The following CACHD1 variants were observed in gnomAD, a reference collection of about 807,000 sequenced individuals.
CACHD1 encodes the protein cache domain containing 1, also known as VWFA and cache domain-containing protein 1.
A neutral mutation model predicts 138.7 loss-of-function variants in CACHD1; 71 were observed. That is an observed-to-expected ratio of 0.51 (90% CI 0.42 to 0.62). CACHD1 has a LOEUF of 0.62. Among genes scored for constraint, CACHD1 ranks in the 20% least tolerant of loss-of-function variants. CACHD1 has a pLI of 0.00. For synonymous variants in CACHD1, 578 were observed against 591.5 expected, an observed-to-expected ratio of 0.98 and a Z score of 0.33; for missense variants, 1,389 against 1,625.3, an observed-to-expected ratio of 0.85 and a Z score of 2.50.
chr1:64,604,043 A>G (rs984185920), intron 4 of CACHD1, among the ~76,000 whole-genome samples: 1 of 152,240 alleles, frequency 6.6e-6, no homozygotes, highest in Admixed American at 6.5e-5. Flanking sequence ...TCCAGGTCTC[A>G]TGTAGACACA....
intron 1 of CACHD1, among the ~76,000 whole-genome samples, chr1:64,546,063 G>A (rs914894326): frequency 2.6e-5 from 4 of 152,144 alleles, no homozygotes; most frequent in African/African-American, 9.7e-5. Flanking sequence ...GCAGGGCTGG[G>A]CAGTATCTTT....
chr1:64,657,671 C>T (rs1210335763), intron 12 of CACHD1, among the ~76,000 whole-genome samples: 5 of 152,184 alleles, frequency 3.3e-5, no homozygotes, highest in African/African-American at 1.2e-4. Context: ...TAAGAGTCTA[C>T]AACCATCCTC....
chr1:64,569,534 G>A (rs912585833), intron 2 of CACHD1, among the ~76,000 whole-genome samples: 5 of 152,144 alleles, frequency 3.3e-5, no homozygotes, highest in Admixed American at 1.3e-4. Flanking sequence ...GGGGGAATGG[G>A]TGTTGCAGGC....
chr1:64,601,444 G>A lies in CACHD1; in HGVS notation c.411-1362G>A, dbSNP rs1433924247. On this transcript the variant is annotated intron_variant, in intron 3 of 26. Coordinates refer to ENST00000651257, the MANE Select transcript of CACHD1 (RefSeq NM_020925.4). The stretch of plus-strand genomic sequence containing the variant: ...AGCAGGTCCAAGGAAGGGCAGCCAC[G>A]TTGGTGAAGCAACTGTGTCCTTTGA... 2.6e-5 allele frequency among the ~76,000 whole-genome samples: 4 copies of A among 152,232 alleles called. 1 individual carries two copies. The highest frequency in any genetic ancestry group is 4.1e-4 in the South Asian group (2 of 4,828).
In CACHD1 at chr1:64,551,359, A is replaced by G. The variant is rs181573276; in HGVS notation, c.261+703A>G. On this transcript the variant is annotated intron_variant, in intron 2 of 26. Coordinates refer to ENST00000651257, the MANE Select transcript of CACHD1 (RefSeq NM_020925.4). Reference sequence around the variant, plus strand: ...GCCTCCTAAAATATAGTGTTGATGAACCTGGTCGTAAATAATTGATCTGTG... The same window carrying G: ...GCCTCCTAAAATATAGTGTTGATGAGCCTGGTCGTAAATAATTGATCTGTG... 1.4e-3 allele frequency among the ~76,000 whole-genome samples: 216 copies of G among 152,070 alleles called. 3 individuals are homozygous for G. The highest frequency in any genetic ancestry group is 7.9e-4 in the Non-Finnish European group (54 of 67,980).
At chr1:64,574,974 A>C (rs896166195) in intron 2 of CACHD1, among the ~76,000 whole-genome samples, 42 of 152,356 alleles carry the variant, frequency 2.8e-4, no homozygotes, top group African/African-American at 9.6e-4. Context: ...AAATGAATAA[A>C]ATGGTTAGTT....
intron 1 of CACHD1, among the ~76,000 whole-genome samples, chr1:64,485,233 A>T (rs1353666901): frequency 6.6e-6 from 1 of 152,222 alleles, no homozygotes; most frequent in African/African-American, 2.4e-5. Flanking sequence ...AAATGCAGTC[A>T]TGTAACCAAC....
intron 1 of CACHD1, among the ~76,000 whole-genome samples, chr1:64,478,835 G>A (rs1646191967): frequency 6.6e-6 from 1 of 152,156 alleles, no homozygotes; most frequent in African/African-American, 2.4e-5. Flanking sequence ...CAAGGGTGAA[G>A]GGGGGCAGGA....
chr1:64,563,298 G>A (rs894225861), intron 2 of CACHD1, among the ~76,000 whole-genome samples: 1 of 152,104 alleles, frequency 6.6e-6, no homozygotes, highest in Non-Finnish European at 1.5e-5. Context: ...CATTGTAAAG[G>A]AGAAGCAGTT....
At chr1:64,499,542 G>C (rs185121482) in intron 1 of CACHD1, among the ~76,000 whole-genome samples, 1 of 152,222 alleles carries the variant, frequency 6.6e-6, no homozygotes, top group Non-Finnish European at 1.5e-5. Flanking sequence ...GGGCTCCGCA[G>C]AATTCAAGGA....
At chr1:64,559,505 G>A (rs556569005) in intron 2 of CACHD1, among the ~76,000 whole-genome samples, 1 of 152,246 alleles carries the variant, frequency 6.6e-6, no homozygotes, top group South Asian at 2.1e-4. Flanking sequence ...TGACAGGAGA[G>A]GATAGGAGGA....
In CACHD1 at chr1:64,668,934, T is replaced by G. The variant is rs1265406920; in HGVS notation, c.2388-2630T>G. Among the ~76,000 whole-genome samples, 4 of 152,158 alleles carry G rather than the reference T, an allele frequency of 2.6e-5. No individual in the cohort carries two copies. In the East Asian group the frequency reaches 7.7e-4, roughly 29 times the overall value. ...TGGCCTTGGGTGCCAGCTTGAGAAC[T>G]TCATCCCTCCTAACACATGGTTCTA... On this transcript the variant is annotated intron_variant, in intron 16 of 26. Coordinates refer to ENST00000651257, the MANE Select transcript of CACHD1 (RefSeq NM_020925.4).
intron 26 of CACHD1, among the ~76,000 whole-genome samples, chr1:64,684,386 G>T (rs1412515338): frequency 2.8e-5 from 2 of 72,634 alleles, no homozygotes; most frequent in African/African-American, 7.2e-5. Flanking sequence ...TTTTTTTTTG[G>T]AGACACTGTG....
At chr1:64,626,281 G>A (rs1375264259) in intron 4 of CACHD1, among the ~76,000 whole-genome samples, 5 of 152,130 alleles carry the variant, frequency 3.3e-5, no homozygotes, top group Admixed American at 1.3e-4. Flanking sequence ...GCATTTTAAC[G>A]CCAACCACAA....
intron 1 of CACHD1, among the ~76,000 whole-genome samples, chr1:64,544,541 A>C (rs186880858): frequency 6.6e-6 from 1 of 152,058 alleles, no homozygotes; most frequent in East Asian, 1.9e-4. Context: ...GAGAGAGGGA[A>C]GGACTAAGGT....
At chr1:64,603,512 A>G (rs1486582639) in intron 4 of CACHD1, among the ~76,000 whole-genome samples, 1 of 152,094 alleles carries the variant, frequency 6.6e-6, no homozygotes, top group Non-Finnish European at 1.5e-5. Context: ...TGTTATTTTA[A>G]AGGTTATTTT....
At chr1:64,579,394 G>A (rs1016312043) in intron 2 of CACHD1, among the ~76,000 whole-genome samples, 3 of 152,156 alleles carry the variant, frequency 2.0e-5, no homozygotes, top group African/African-American at 2.4e-5. Flanking sequence ...TTAAGAGTGT[G>A]TGTGTGAGAG....
rs560762644 is a variant in CACHD1 at position 64,643,803 on chromosome 1, A to G, written c.1156+1834A>G. 2.6e-5 allele frequency among the ~76,000 whole-genome samples: 4 copies of G among 152,270 alleles called. No individual in the cohort carries two copies. In the South Asian group the frequency reaches 8.3e-4, roughly 32 times the overall value. On this transcript the variant is annotated intron_variant, in intron 8 of 26. Coordinates refer to ENST00000651257, the MANE Select transcript of CACHD1 (RefSeq NM_020925.4). The stretch of plus-strand genomic sequence containing the variant: ...CAGTGAGCCGAGATTGCACCACTGC[A>G]CTCCAGCCTGGGCGACAGAGCAAGA...
intron 25 of CACHD1, among the ~76,000 whole-genome samples, chr1:64,681,562 T>TTTTTTTTTTTTA: frequency 6.9e-6 from 1 of 144,410 alleles, no homozygotes; most frequent in East Asian, 2.0e-4. Flanking sequence ...TTTTTTTTTT[T>TTTTTTTTTTTTA]TTGCATTAAG....
Sources: gnomAD v4.1 joint callset for allele counts (sites outside exome capture counted in the v4.1 genomes callset) on GRCh38, gnomAD v4.1.1 for gene constraint, MANE v1.5 for transcripts, NCBI Gene and HGNC (gene_info 2026-07-23, HGNC 2026-07-21) for gene names.